Variants in FAM241A observed in about 807,000 individuals in gnomAD.
FAM241A encodes the protein uncharacterized protein FAM241A.
In FAM241A, 7 loss-of-function variants were observed where a neutral mutation model predicts 12.2. The observed-to-expected ratio is 0.58, with a 90% confidence interval of 0.33 to 1.08. The LOEUF is 1.08. Ranked by LOEUF, FAM241A falls within the 50% of genes least tolerant of loss-of-function variation. The pLI, the probability that FAM241A is intolerant of heterozygous loss-of-function variation, is 0.04. For missense variants in FAM241A, 161 were observed against 169.7 expected (o/e 0.95, Z 0.29); for synonymous variants, 74 against 68.2 (o/e 1.08, Z -0.42).
intron 1 of FAM241A, 91 bp downstream of exon 1, chr4:112,145,824 C>T (rs1287461720): frequency 2.5e-6 from 2 of 802,514 alleles, no homozygotes; most frequent in Non-Finnish European, 1.6e-6. Flanking sequence ...GCCCGCGGGC[C>T]GCGCCGCAGC....
At chr4:112,170,112 C>G (rs1723686253) in intron 1 of FAM241A, among the ~76,000 whole-genome samples, 1 of 152,070 alleles carries the variant, frequency 6.6e-6, no homozygotes, top group African/African-American at 2.4e-5. Context: ...ATTCTTCTTC[C>G]TTCTTTTGGT....
rs1441991564 is a variant in FAM241A at position 112,189,606 on chromosome 4, CTG to C, written c.*2670_*2671del. ...ATCCATTTTTCTTAAAGTAAAAACTCTGTATTTTGTAGAATTCTGTCCTCTCA... is the reference window on the plus strand; with the variant it reads ...ATCCATTTTTCTTAAAGTAAAAACTCTATTTTGTAGAATTCTGTCCTCTCA... On this transcript the variant is annotated 3_prime_UTR_variant, in exon 2 of 2. Transcript: ENST00000309733. The C allele has an allele frequency of 6.6e-6, 1 of 151,942 alleles. No individual in the cohort carries two copies. The highest frequency in any genetic ancestry group is 3.4e-3 in the Middle Eastern group (1 of 294). The allele number at this position is 151,942 out of a possible 1,614,324, so 9.4% of individuals were successfully genotyped here.
intron 1 of FAM241A, among the ~76,000 whole-genome samples, chr4:112,146,517 G>A (rs746345856): frequency 5.3e-5 from 8 of 152,160 alleles, no homozygotes; most frequent in Admixed American, 2.0e-4. Flanking sequence ...TTGTATGTTG[G>A]ATGAATTTTC....
intron 1 of FAM241A, among the ~76,000 whole-genome samples, chr4:112,182,180 A>G (rs1332310636): frequency 6.6e-6 from 1 of 152,198 alleles, no homozygotes; most frequent in Non-Finnish European, 1.5e-5. Flanking sequence ...TGGATGTGGC[A>G]TATGGATGGT....
intron 1 of FAM241A, among the ~76,000 whole-genome samples, chr4:112,167,533 T>C (rs1723623656): frequency 6.6e-6 from 1 of 152,182 alleles, no homozygotes; most frequent in Non-Finnish European, 1.5e-5. Flanking sequence ...TGTAGAAATG[T>C]TGAATATGTA....
At chr4:112,184,480 A>T (rs1724001533) in intron 1 of FAM241A, among the ~76,000 whole-genome samples, 1 of 152,190 alleles carries the variant, frequency 6.6e-6, no homozygotes, top group African/African-American at 2.4e-5. Flanking sequence ...GTGAGCCGAG[A>T]TTGTGCCATT....
chr4:112,160,939 C>G (rs889523212), intron 1 of FAM241A, among the ~76,000 whole-genome samples: 4 of 152,188 alleles, frequency 2.6e-5, no homozygotes, highest in Non-Finnish European at 5.9e-5. Flanking sequence ...AATTTAACAT[C>G]TCAAACTATG....
At position 112,185,246 on chromosome 4, in the gene FAM241A, G is replaced by A. The variant is rs920395963; in HGVS notation, c.154-1447G>A. Among the ~76,000 whole-genome samples, 8 of 152,164 alleles carry A rather than the reference G, an allele frequency of 5.3e-5. No individual in the cohort carries two copies. The South Asian group carries it at 8.3e-4, about 16-fold the overall frequency. ...TTGTGATTCTACTAGGGTCTGGGGCGGTGGGGAGGGGGAGAGAAACTATAC... is the reference window on the plus strand; with the variant it reads ...TTGTGATTCTACTAGGGTCTGGGGCAGTGGGGAGGGGGAGAGAAACTATAC... On this transcript the variant is annotated intron_variant, in intron 1 of 1. Coordinates refer to ENST00000309733, the MANE Select transcript of FAM241A (RefSeq NM_152400.3).
chr4:112,155,682 C>T (rs930136245), intron 1 of FAM241A, among the ~76,000 whole-genome samples: 1 of 151,936 alleles, frequency 6.6e-6, no homozygotes, highest in African/African-American at 2.4e-5. Context: ...TCCAGCCTCA[C>T]TATAAAGAAA....
chr4:112,190,258 G>T lies in FAM241A; in HGVS notation c.*3320G>T, dbSNP rs1724137720. ...CAAAATAGTCAAAGCCAGGTTTGGA[G>T]CAATCAAAGGCTATTCGTGTGGTTC... On this transcript the variant is annotated 3_prime_UTR_variant, in exon 2 of 2. Coordinates refer to ENST00000309733, the MANE Select transcript of FAM241A (RefSeq NM_152400.3). 1 of 152,198 alleles carries T rather than the reference G, an allele frequency of 6.6e-6. No individual in the cohort carries two copies. The highest frequency in any genetic ancestry group is 1.5e-5 in the Non-Finnish European group (1 of 68,034). 9.4% of individuals were successfully genotyped at this position (152,198 alleles called of 1,614,324 possible).
intron 1 of FAM241A, among the ~76,000 whole-genome samples, chr4:112,174,778 G>A (rs1723787012): frequency 6.6e-6 from 1 of 152,182 alleles, no homozygotes; most frequent in African/African-American, 2.4e-5. Context: ...CATTCTCCAT[G>A]CTGTACATAG....
intron 1 of FAM241A, among the ~76,000 whole-genome samples, chr4:112,169,346 A>G (rs917677686): frequency 6.6e-6 from 1 of 152,218 alleles, no homozygotes; most frequent in African/African-American, 2.4e-5. Flanking sequence ...TCCAGTTCCA[A>G]TCAGGATCTA....
intron 1 of FAM241A, among the ~76,000 whole-genome samples, chr4:112,155,354 A>T (rs1723330715): frequency 6.6e-6 from 1 of 152,090 alleles, no homozygotes; most frequent in Non-Finnish European, 1.5e-5. Flanking sequence ...TCTGTTTATA[A>T]TCATTTCAAA....
intron 1 of FAM241A, among the ~76,000 whole-genome samples, chr4:112,176,882 G>T (rs1004654831): frequency 2.0e-5 from 3 of 152,030 alleles, no homozygotes; most frequent in Non-Finnish European, 4.4e-5. Context: ...ATAAATTTTG[G>T]CAAAGACAAA....
intron 1 of FAM241A, among the ~76,000 whole-genome samples, chr4:112,160,295 C>G (rs1723436161): frequency 6.6e-6 from 1 of 151,652 alleles, no homozygotes; most frequent in Non-Finnish European, 1.5e-5. Flanking sequence ...GTAATCCCAG[C>G]TACTCGGAGG....
At chr4:112,160,032 A>G (rs918205679) in intron 1 of FAM241A, among the ~76,000 whole-genome samples, 5 of 152,194 alleles carry the variant, frequency 3.3e-5, no homozygotes. Flanking sequence ...GAAAAATCTA[A>G]GGACTCCATC....
At chr4:112,170,066 C>T (rs1723684517) in intron 1 of FAM241A, among the ~76,000 whole-genome samples, 1 of 152,012 alleles carries the variant, frequency 6.6e-6, no homozygotes, top group Non-Finnish European at 1.5e-5. Flanking sequence ...GTCTAAAATC[C>T]CTCTGAGACT....
rs1724113753 is a variant in FAM241A at position 112,189,288 on chromosome 4, G to A, written c.*2350G>A. 6.7e-6 allele frequency: 1 copy of A among 150,314 alleles called. No homozygotes were observed. The highest frequency in any genetic ancestry group is 1.5e-5 in the Non-Finnish European group (1 of 67,932). The allele number at this position is 150,314 out of a possible 1,614,324, so 9.3% of individuals were successfully genotyped here. ...TCGTCCCAGCTACTCAGGAGGCTGAGGCAGGAGAATGGCGTGAACCCGGGA... is the reference window on the plus strand; with the variant it reads ...TCGTCCCAGCTACTCAGGAGGCTGAAGCAGGAGAATGGCGTGAACCCGGGA... On this transcript the variant is annotated 3_prime_UTR_variant, in exon 2 of 2. Transcript: ENST00000309733.
chr4:112,184,532 A>G (rs1366377988), intron 1 of FAM241A, among the ~76,000 whole-genome samples: 6 of 152,216 alleles, frequency 3.9e-5, no homozygotes, highest in Non-Finnish European at 5.9e-5. Flanking sequence ...GTCTCAAAAA[A>G]AAAAATTATA....
Sources: allele counts gnomAD v4.1 joint callset (sites outside exome capture counted in the v4.1 genomes callset), GRCh38; gene constraint gnomAD v4.1.1; transcripts MANE v1.5; gene names NCBI Gene and HGNC (gene_info 2026-07-23, HGNC 2026-07-21).